Variants in PRTFDC1 observed in about 807,000 individuals in gnomAD.
PRTFDC1 encodes the protein phosphoribosyltransferase domain-containing protein 1.
A neutral mutation model predicts 34.6 loss-of-function variants in PRTFDC1; 38 were observed. That is an observed-to-expected ratio of 1.10 (90% CI 0.85 to 1.44). The LOEUF (loss-of-function observed/expected upper bound fraction) is 1.44, where lower values mean the gene tolerates loss of function less well. Ranked by LOEUF, PRTFDC1 falls within the 40% of genes most tolerant of loss-of-function variation. PRTFDC1 has a pLI of 0.00. For missense variants in PRTFDC1, 270 were observed against 283.0 expected (o/e 0.95, Z 0.33); for synonymous variants, 93 against 98.1 (o/e 0.95, Z 0.31).
chr10:24,950,827 C>T (rs1849331027), intron 1 of PRTFDC1, among the ~76,000 whole-genome samples: 1 of 152,134 alleles, frequency 6.6e-6, no homozygotes, highest in South Asian at 2.1e-4. Flanking sequence ...TCACTGAGCA[C>T]TCCCGAACAT....
chr10:24,911,536 GT>G lies in PRTFDC1; in HGVS notation c.339+25647del, dbSNP rs144853349. 9.8e-3 allele frequency among the ~76,000 whole-genome samples: 1,492 copies of G among 152,270 alleles called. 33 individuals carry two copies. The highest frequency in any genetic ancestry group is 0.034 in the African/African-American group (1,408 of 41,548). On this transcript the variant is annotated intron_variant, in intron 3 of 8. Transcript: ENST00000320152. ...TTTAGTTTGAGTTATTACAAATAAA[GT>G]TGCTATGAATATTTGCATACCAGCC...
At chr10:24,914,023 G>A (rs368076886) in intron 3 of PRTFDC1, among the ~76,000 whole-genome samples, 83 of 152,260 alleles carry the variant, frequency 5.5e-4, no homozygotes, top group African/African-American at 1.9e-3. Flanking sequence ...ACTCTAGTAG[G>A]AAAAGTGAAA....
At chr10:24,950,611 T>C (rs1849325198) in intron 1 of PRTFDC1, among the ~76,000 whole-genome samples, 1 of 152,148 alleles carries the variant, frequency 6.6e-6, no homozygotes, top group African/African-American at 2.4e-5. Flanking sequence ...CCCTGTAACA[T>C]CTGACACTTC....
intron 3 of PRTFDC1, among the ~76,000 whole-genome samples, chr10:24,907,067 C>G (rs1276131085): frequency 6.6e-6 from 1 of 151,994 alleles, no homozygotes; most frequent in Non-Finnish European, 1.5e-5. Context: ...AAAAATGGGG[C>G]CAGGTGCGGT....
intron 3 of PRTFDC1, among the ~76,000 whole-genome samples, chr10:24,883,685 G>A (rs1055873342): frequency 6.6e-6 from 1 of 152,150 alleles, no homozygotes; most frequent in Non-Finnish European, 1.5e-5. Flanking sequence ...TTTAAATCAT[G>A]AGGCAGAGGG....
intron 3 of PRTFDC1, among the ~76,000 whole-genome samples, chr10:24,912,656 G>A (rs7084900): frequency 0.18 from 26,911 of 151,934 alleles, 3,425 homozygotes; most frequent in African/African-American, 0.36. Context: ...TCAGACATAC[G>A]TTTTGCAAAT....
intron 3 of PRTFDC1, among the ~76,000 whole-genome samples, chr10:24,918,343 A>T (rs1848728890): frequency 6.6e-6 from 1 of 152,154 alleles, no homozygotes; most frequent in African/African-American, 2.4e-5. Flanking sequence ...ATCATATCAT[A>T]TCATATTATA....
chr10:24,895,253 C>CTTTTTTT (rs60331186), intron 3 of PRTFDC1, among the ~76,000 whole-genome samples: 7,658 of 104,900 alleles, frequency 0.073, 805 homozygotes, highest in African/African-American at 0.12. Context: ...TCTCCACTTT[C>CTTTTTTT]TTTTTTTTTT....
At chr10:24,913,102 T>C (rs1848649996) in intron 3 of PRTFDC1, among the ~76,000 whole-genome samples, 1 of 152,106 alleles carries the variant, frequency 6.6e-6, no homozygotes, top group Non-Finnish European at 1.5e-5. Flanking sequence ...CAACTAAAAG[T>C]TTTAAGCCCA....
chr10:24,899,541 T>A (rs1005555410), intron 3 of PRTFDC1, among the ~76,000 whole-genome samples: 4 of 152,078 alleles, frequency 2.6e-5, no homozygotes, highest in South Asian at 2.1e-4. Context: ...GGGGTGGGAA[T>A]TGATTTTGGG....
At chr10:24,860,576 A>C (rs1847663215) in intron 4 of PRTFDC1, among the ~76,000 whole-genome samples, 1 of 152,182 alleles carries the variant, frequency 6.6e-6, no homozygotes, top group Non-Finnish European at 1.5e-5. Context: ...TCTGTCAGTT[A>C]TGACATTTTT....
intron 7 of PRTFDC1, 76 bp from the exon 8 acceptor site, chr10:24,851,540 T>C: frequency 6.4e-7 from 1 of 1,559,638 alleles, no homozygotes; most frequent in East Asian, 2.2e-5. Context: ...CATATGCTGC[T>C]GTCGCCACTC....
At chr10:24,881,069 CTTCTTTCT>C (rs142062779) in intron 3 of PRTFDC1, among the ~76,000 whole-genome samples, 8 of 137,472 alleles carry the variant, frequency 5.8e-5, no homozygotes, top group African/African-American at 2.2e-4. Flanking sequence ...TCCTTCCTTC[CTTCTTTCT>C]TTCTTTCTTT....
intron 4 of PRTFDC1, among the ~76,000 whole-genome samples, chr10:24,864,831 G>C (rs958412714): frequency 2.0e-5 from 3 of 152,072 alleles, no homozygotes; most frequent in Admixed American, 2.0e-4. Context: ...TATATAACAT[G>C]GAGGCTGGGT....
In PRTFDC1 at chr10:24,855,315, T is replaced by C; in HGVS notation, c.553+3A>G. On this transcript the variant is annotated splice_donor_region_variant and intron_variant, in intron 7 of 8. Transcript: ENST00000320152. Reference sequence around the variant, plus strand: ...AACAAACAAAAAACTGAAAAACACTTACAGTCAGGTCTAAAGCCGTCACTT... The same window carrying C: ...AACAAACAAAAAACTGAAAAACACTCACAGTCAGGTCTAAAGCCGTCACTT... 1 of 1,612,842 alleles carries C rather than the reference T, an allele frequency of 6.2e-7. No individual in the cohort carries two copies. The highest frequency in any genetic ancestry group is 8.5e-7 in the Non-Finnish European group (1 of 1,179,190).
In PRTFDC1 at chr10:24,849,935, T is replaced by C. The variant is rs1274033014; in HGVS notation, c.631-44A>G. On this transcript the variant is annotated intron_variant, in intron 8 of 8. Coordinates refer to ENST00000320152, the MANE Select transcript of PRTFDC1 (RefSeq NM_020200.7). The stretch of plus-strand genomic sequence containing the variant: ...TAAACGCATCAGTTTCTTAACAAAA[T>C]ATGAGACACAGAAAAGGTGATGCAG... The C allele has an allele frequency of 3.1e-6, 5 of 1,589,588 alleles. No homozygotes were observed. In the East Asian group the frequency reaches 1.1e-4, roughly 36 times the overall value.
At chr10:24,951,214 A>G (rs1849337186) in intron 1 of PRTFDC1, among the ~76,000 whole-genome samples, 1 of 152,072 alleles carries the variant, frequency 6.6e-6, no homozygotes, top group African/African-American at 2.4e-5. Context: ...CCTGAGCAAA[A>G]GCATCACTCC....
intron 3 of PRTFDC1, among the ~76,000 whole-genome samples, chr10:24,928,963 C>T (rs1848926026): frequency 6.7e-6 from 1 of 149,388 alleles, no homozygotes; most frequent in Non-Finnish European, 1.5e-5. Context: ...TGGGGTGAAC[C>T]CAGGAGGCGG....
rs192481440 is a variant in PRTFDC1 at position 24,872,700 on chromosome 10, T to C, written c.340-637A>G. ...ACGTGTGTGTGTGTATATATATATA[T>C]ACACAAAATATATATAATACACAAA... On this transcript the variant is annotated intron_variant, in intron 3 of 8. Transcript: ENST00000320152. Among the ~76,000 whole-genome samples the C allele has an allele frequency of 3.5e-3, 494 of 142,074 alleles. 6 individuals carry two copies. Among genetic ancestry groups the C allele is most frequent in the African/African-American group, 0.013 (476 of 37,762 alleles). 93.2% of individuals were successfully genotyped at this position (142,074 alleles called of 152,430 possible). A position where few individuals can be genotyped will look rare whatever the true frequency, so the allele number is the denominator to read the frequency against.
Sources: allele counts gnomAD v4.1 joint callset (sites outside exome capture counted in the v4.1 genomes callset), GRCh38; gene constraint gnomAD v4.1.1; transcripts MANE v1.5; gene names NCBI Gene and HGNC (gene_info 2026-07-23, HGNC 2026-07-21).